The following COL11A1 variants were observed in gnomAD, a reference collection of about 807,000 sequenced individuals.
COL11A1 encodes collagen alpha-1(XI) chain.
In COL11A1, 74 loss-of-function variants were observed where a neutral mutation model predicts 265.2. That is an observed-to-expected ratio of 0.28 (90% confidence interval 0.23 to 0.34). The LOEUF (loss-of-function observed/expected upper bound fraction) is 0.34. COL11A1 is among the 10% of genes least tolerant of loss of function. The pLI is 1.00. For missense variants in COL11A1, 2,165 were observed against 2,263.6 expected, an observed-to-expected ratio of 0.96 and a Z score of 0.88; for synonymous variants, 816 against 727.6, an observed-to-expected ratio of 1.12 and a Z score of -1.96.
chr1:103,081,226 A>G (rs554183146), intron 2 of COL11A1, among the ~76,000 whole-genome samples: 1 of 152,004 alleles, frequency 6.6e-6, no homozygotes, highest in Admixed American at 6.6e-5. Flanking sequence ...TGGAATGCAG[A>G]ACACACTGAC....
intron 13 of COL11A1, among the ~76,000 whole-genome samples, chr1:103,014,057 C>T (rs1666352191): frequency 6.6e-6 from 1 of 151,278 alleles, no homozygotes; most frequent in South Asian, 2.1e-4. Context: ...TATATGATGC[C>T]CAAAAAATTT....
chr1:102,910,116 C>A (rs1360024319), intron 54 of COL11A1, among the ~76,000 whole-genome samples: 3 of 151,838 alleles, frequency 2.0e-5, no homozygotes, highest in Non-Finnish European at 4.4e-5. Flanking sequence ...TATTATTATA[C>A]TAAAAGGCTC....
chr1:103,087,290 G>T (rs1013052891), intron 1 of COL11A1, among the ~76,000 whole-genome samples: 6 of 152,044 alleles, frequency 3.9e-5, no homozygotes, highest in Admixed American at 1.3e-4. Flanking sequence ...TTTATTAAAC[G>T]GGAGAATAGA....
chr1:103,010,061 A>G (rs936345184), intron 14 of COL11A1, among the ~76,000 whole-genome samples: 2 of 152,194 alleles, frequency 1.3e-5, no homozygotes, highest in Non-Finnish European at 2.9e-5. Context: ...ATTCTAAAAA[A>G]TGTCACACAG....
chr1:102,915,780 A>T, intron 49 of COL11A1, 96 bp from the exon 50 acceptor site: 3 of 962,306 alleles, frequency 3.1e-6, no homozygotes, highest in Non-Finnish European at 4.7e-6. Context: ...ATTAGCCCTT[A>T]TTTTTTTATA....
At chr1:102,925,607 T>C (rs1237490791) in intron 46 of COL11A1, among the ~76,000 whole-genome samples, 2 of 152,078 alleles carry the variant, frequency 1.3e-5, no homozygotes, top group Admixed American at 1.3e-4. Flanking sequence ...TCTAGAATTA[T>C]AAGTGAAGTT....
chr1:103,002,721 T>C (rs760746794), intron 22 of COL11A1, 26 bp downstream of exon 22: 1 of 1,597,306 alleles, frequency 6.3e-7, no homozygotes, highest in South Asian at 1.1e-5. Flanking sequence ...CAAATATGAG[T>C]TATTTTATCA....
chr1:102,962,367 T>C, intron 39 of COL11A1, 102 bp from the exon 40 acceptor site: 1 of 939,098 alleles, frequency 1.1e-6, no homozygotes, highest in Non-Finnish European at 1.7e-6. Flanking sequence ...AAAATGTGAA[T>C]ATTATTTAAT....
At chr1:102,975,369 C>G (rs1186146560) in intron 35 of COL11A1, among the ~76,000 whole-genome samples, 1 of 151,758 alleles carries the variant, frequency 6.6e-6, no homozygotes, top group Non-Finnish European at 1.5e-5. Flanking sequence ...GTGACTATCT[C>G]AAAAAGACCA....
At chr1:102,914,499 A>C in intron 51 of COL11A1, 94 bp from the exon 52 acceptor site, 2 of 1,231,932 alleles carry the variant, frequency 1.6e-6, no homozygotes, top group Non-Finnish European at 2.3e-6. Flanking sequence ...AAGTCATGAC[A>C]AAACCTGCTG....
At chr1:102,963,939 C>T (rs1661160895) in intron 38 of COL11A1, among the ~76,000 whole-genome samples, 1 of 151,362 alleles carries the variant, frequency 6.6e-6, no homozygotes, top group South Asian at 2.1e-4. Flanking sequence ...TATATTATTC[C>T]CATTAAACCA....
In COL11A1 at chr1:102,979,102, T is replaced by G. The variant is rs1400939209; in HGVS notation, c.2613A>C (p.Gly871=). The G allele has an allele frequency of 6.2e-7, 1 of 1,614,042 alleles. No individual in the cohort carries two copies. The highest frequency in any genetic ancestry group is 2.2e-5 in the East Asian group (1 of 44,888). The change falls in exon 33 of 67, where the codon GGA becomes GGC. Residue 871 remains glycine (G), a splice_region_variant and synonymous_variant. Transcript: ENST00000370096. ...CCCGAGGGCCTGGTTTGCCAGCTAC[T>G]CCCTAGCAAAGACAGTTCAATTTCA... ...PGANGEKGAR[G]VAGKPGPRGQ...
In COL11A1 at chr1:102,984,291, C is replaced by T. The variant is rs1267882085; in HGVS notation, c.2503-100G>A. ...TTAAATATTAGAATCACATATTGTACACTCAAAAGGAAGATTTGCAGATTT... is the reference window on the plus strand; with the variant it reads ...TTAAATATTAGAATCACATATTGTATACTCAAAAGGAAGATTTGCAGATTT... On this transcript the variant is annotated intron_variant, in intron 30 of 66. Transcript: ENST00000370096. 5 of 733,554 alleles carry T rather than the reference C, an allele frequency of 6.8e-6. No homozygotes were observed. In the Admixed American group the frequency reaches 7.6e-5, roughly 11 times the overall value. 45.4% of individuals were successfully genotyped at this position (733,554 alleles called of 1,614,324 possible).
At chr1:103,065,163 C>T (rs1355839768) in intron 4 of COL11A1, among the ~76,000 whole-genome samples, 1 of 101,530 alleles carries the variant, frequency 9.8e-6, no homozygotes, top group African/African-American at 3.6e-5. Flanking sequence ...TATGGGAACT[C>T]CCCGTCCTTT....
chr1:103,025,999 G>T, intron 6 of COL11A1: 1 of 1,574,194 alleles, frequency 6.4e-7, no homozygotes, highest in Non-Finnish European at 8.7e-7. Flanking sequence ...AATAAACGAG[G>T]AGGGAAATAT....
intron 4 of COL11A1, among the ~76,000 whole-genome samples, chr1:103,042,758 G>T (rs925220812): frequency 1.3e-5 from 2 of 151,876 alleles, no homozygotes; most frequent in African/African-American, 2.4e-5. Context: ...CCTCAGGAAG[G>T]TAATGCTAAT....
rs1004087083 is a variant in COL11A1 at position 103,093,376 on chromosome 1, T to G, written c.107-10404A>C. ...TCCCAGATACCATTAGAAAAACCACTGAGGAGAAAGAATAGCTGCCTGAAC... is the reference window on the plus strand; with the variant it reads ...TCCCAGATACCATTAGAAAAACCACGGAGGAGAAAGAATAGCTGCCTGAAC... On this transcript the variant is annotated intron_variant, in intron 1 of 66. Coordinates refer to ENST00000370096, the MANE Select transcript of COL11A1 (RefSeq NM_001854.4). 6.6e-5 allele frequency among the ~76,000 whole-genome samples: 10 copies of G among 151,890 alleles called. No homozygotes were observed. The South Asian group carries it at 1.9e-3, about 28-fold the overall frequency.
chr1:103,002,703 CT>C, intron 22 of COL11A1, 43 bp downstream of exon 22: 1 of 1,545,902 alleles, frequency 6.5e-7, no homozygotes, highest in Non-Finnish European at 8.9e-7. Flanking sequence ...TTTCTTAGGG[CT>C]TATATTCAAA....
chr1:102,962,329 T>C lies in COL11A1; in HGVS notation c.3025-64A>G, dbSNP rs1660998380. On this transcript the variant is annotated intron_variant, in intron 39 of 66. Transcript: ENST00000370096. The stretch of plus-strand genomic sequence containing the variant: ...TCTACACATCTTTCTACAAACAAAA[T>C]TGTGATTACCTCTAAACTACTGTAA... The C allele has an allele frequency of 3.2e-6, 4 of 1,232,638 alleles. No homozygotes were observed. In the South Asian group the frequency reaches 4.8e-5, roughly 15 times the overall value. 76.4% of individuals were successfully genotyped at this position (1,232,638 alleles called of 1,614,324 possible).
Sources: gnomAD v4.1 joint callset for allele counts (sites outside exome capture counted in the v4.1 genomes callset) on GRCh38, gnomAD v4.1.1 for gene constraint, MANE v1.5 for transcripts, NCBI Gene and HGNC (gene_info 2026-07-23, HGNC 2026-07-21) for gene names.